The following MOBP variants were observed in gnomAD, a reference collection of about 807,000 sequenced individuals.
MOBP encodes the protein myelin-associated oligodendrocyte basic protein.
Under a neutral mutation model 15.0 loss-of-function variants are expected in MOBP, and 5 were observed. The observed-to-expected ratio is 0.33, with a 90% CI of 0.17 to 0.70. The LOEUF is 0.70. MOBP is among the 30% of genes least tolerant of loss of function. MOBP has a pLI of 0.67. For missense variants in MOBP, 188 were observed against 257.8 expected (o/e 0.73, Z 1.85); for synonymous variants, 88 against 99.0 (o/e 0.89, Z 0.66).
downstream of MOBP, among the ~76,000 whole-genome samples, chr3:39,507,707 A>G (rs548562645): frequency 2.5e-4 from 38 of 152,282 alleles, no homozygotes; most frequent in African/African-American, 7.2e-4. Flanking sequence ...TCCTTCTCCA[A>G]TGAAAGGAAA....
At chr3:39,520,358 C>T (rs1483804848), downstream of MOBP, among the ~76,000 whole-genome samples, 1 of 152,168 alleles carries the variant, frequency 6.6e-6, no homozygotes, top group East Asian at 1.9e-4. Context: ...CTATTGCTTG[C>T]ATTGTTTTTA....
exon 5 of MOBP, chr3:39,524,824 T>G (rs2125677612): frequency 6.6e-6 from 1 of 152,196 alleles, no homozygotes; most frequent in East Asian, 1.9e-4. Flanking sequence ...ATAGAATGAG[T>G]GAATCACCTG....
exon 5 of MOBP, chr3:39,515,927 C>T (rs1211019107): frequency 6.6e-6 from 1 of 152,178 alleles, no homozygotes; most frequent in African/African-American, 2.4e-5. Flanking sequence ...ATTGCCAACA[C>T]CTGTTTACTT....
At chr3:39,468,949 TAC>T (rs1276807583) in intron 1 of MOBP, among the ~76,000 whole-genome samples, 1 of 117,402 alleles carries the variant, frequency 8.5e-6, no homozygotes, top group African/African-American at 4.6e-5. Context: ...TGTGTATATA[TAC>T]ATATATACAT....
intron 2 of MOBP, among the ~76,000 whole-genome samples, chr3:39,481,549 TACAA>T (rs1172918653): frequency 1.1e-4 from 16 of 152,234 alleles, no homozygotes; most frequent in African/African-American, 3.9e-4. Context: ...ATCTCATTAC[TACAA>T]ACAGCTCAAC....
intron 2 of MOBP, among the ~76,000 whole-genome samples, chr3:39,484,115 A>G (rs2042666350): frequency 6.6e-6 from 1 of 152,258 alleles, no homozygotes; most frequent in African/African-American, 2.4e-5. Context: ...CAAGTTATAA[A>G]GATAGCCCAG....
At chr3:39,513,590 G>A (rs2043150148) in exon 5 of MOBP, 1 of 685,338 alleles carries the variant, frequency 1.5e-6, no homozygotes, top group East Asian at 2.7e-5. Context: ...GGGGGCCTCA[G>A]GGCAGCCTGC....
chr3:39,517,665 A>G (rs2043220106), downstream of MOBP: 1 of 152,168 alleles, frequency 6.6e-6, no homozygotes, highest in Admixed American at 6.5e-5. Flanking sequence ...TTGATATCAT[A>G]GGTTTGAGTT....
At chr3:39,520,837 C>A (rs2043257947), downstream of MOBP, among the ~76,000 whole-genome samples, 1 of 152,170 alleles carries the variant, frequency 6.6e-6, no homozygotes, top group Admixed American at 6.5e-5. Context: ...TTAATTTCTT[C>A]TCCCTTCTGA....
intron 4 of MOBP, among the ~76,000 whole-genome samples, chr3:39,508,180 G>A (rs1031765157): frequency 2.6e-5 from 4 of 152,190 alleles, no homozygotes; most frequent in Non-Finnish European, 5.9e-5. Context: ...GACAAAAAAG[G>A]AAGCATGTAC....
At chr3:39,475,270 C>T (rs779126117) in intron 1 of MOBP, among the ~76,000 whole-genome samples, 2 of 152,114 alleles carry the variant, frequency 1.3e-5, no homozygotes, top group Non-Finnish European at 2.9e-5. Context: ...AGAGAATAAA[C>T]GAGGATGATC....
chr3:39,486,264 G>A (rs780216589), intron 2 of MOBP, among the ~76,000 whole-genome samples: 8 of 152,094 alleles, frequency 5.3e-5, no homozygotes, highest in Non-Finnish European at 1.2e-4. Flanking sequence ...TTTGCAAAAC[G>A]GGGCTATTAT....
chr3:39,484,574 T>G (rs1020845929), intron 2 of MOBP, among the ~76,000 whole-genome samples: 2 of 152,190 alleles, frequency 1.3e-5, no homozygotes, highest in Non-Finnish European at 2.9e-5. Flanking sequence ...CCACATACAA[T>G]TCCAGGGTAA....
intron 1 of MOBP, among the ~76,000 whole-genome samples, chr3:39,469,666 G>A (rs1398639902): frequency 6.6e-6 from 1 of 152,114 alleles, no homozygotes; most frequent in African/African-American, 2.4e-5. Flanking sequence ...GGTTTGGTCT[G>A]CAGTTTTCTC....
intron 2 of MOBP, among the ~76,000 whole-genome samples, chr3:39,487,667 G>T (rs2125638981): frequency 6.6e-6 from 1 of 151,856 alleles, no homozygotes; most frequent in Non-Finnish European, 1.5e-5. Context: ...GGAACTACAG[G>T]TGCCAGCCAC....
chr3:39,517,940 CAT>C (rs2043223155), downstream of MOBP, among the ~76,000 whole-genome samples: 1 of 152,124 alleles, frequency 6.6e-6, no homozygotes, highest in Admixed American at 6.5e-5. Flanking sequence ...CATTGGTAAA[CAT>C]AAAATAGGTT....
chr3:39,472,768 A>T lies in MOBP; in HGVS notation c.-89+5028A>T, dbSNP rs115140477. Among the ~76,000 whole-genome samples the T allele has an allele frequency of 4.4e-3, 664 of 152,310 alleles. 2 individuals are homozygous for T. The highest frequency in any genetic ancestry group is 0.015 in the African/African-American group (621 of 41,568). ...TGGGGGGACCCCATCTCCACAAAAA[A>T]TACAAAAATTAACCAAGCGTGGTGG... On this transcript the variant is annotated intron_variant, in intron 1 of 3. Transcript: ENST00000684792.
intron 3 of MOBP, among the ~76,000 whole-genome samples, chr3:39,523,918 C>T (rs2125677106): frequency 6.6e-6 from 1 of 152,294 alleles, no homozygotes; most frequent in South Asian, 2.1e-4. Flanking sequence ...CTTGCCTCCC[C>T]CACAGCGCAA....
At chr3:39,495,990 AAG>A (rs1436570412) in intron 2 of MOBP, among the ~76,000 whole-genome samples, 6 of 152,004 alleles carry the variant, frequency 3.9e-5, no homozygotes, top group African/African-American at 1.4e-4. Context: ...TAAAAACGGT[AAG>A]AGAACACTAC....
Sources: allele counts gnomAD v4.1 joint callset (sites outside exome capture counted in the v4.1 genomes callset), GRCh38; gene constraint gnomAD v4.1.1; transcripts MANE v1.5; gene names NCBI Gene and HGNC (gene_info 2026-07-23, HGNC 2026-07-21).